Variants in ALPK3 observed in about 807,000 individuals in gnomAD.
ALPK3 encodes alpha kinase 3.
A neutral mutation model predicts 140.0 loss-of-function variants in ALPK3; 102 were observed. The ratio of observed to expected loss-of-function variants is 0.73; its 90% CI spans 0.62 to 0.86. ALPK3 has a LOEUF of 0.86. ALPK3 is among the 40% of genes least tolerant of loss of function. ALPK3 has a pLI of 0.00. For synonymous variants in ALPK3, 938 were observed against 898.5 expected (o/e 1.04, Z -0.79); for missense variants, 2,254 against 2,208.2 (o/e 1.02, Z -0.42).
In ALPK3 at chr15:84,868,159, C is replaced by T. The variant is rs762455103; in HGVS notation, c.4821C>T (p.Phe1607=). The change falls in exon 14 of 14, where the codon TTC becomes TTT. Residue 1607 remains phenylalanine, a synonymous_variant. Transcript: ENST00000258888. ...ESCFPALLDR[F]ASSHQCNAYC... ...GCTTCCCTGCCCTGCTGGACCGGTT[C>T]GCCTCCTCCCACCAGTGCAATGCCT... 1.8e-5 allele frequency: 29 copies of T among 1,613,966 alleles called. No individual in the cohort carries two copies. Among genetic ancestry groups the T allele is most frequent in the South Asian group, 2.2e-5 (2 of 91,086 alleles).
Position 84,840,548 on chromosome 15 carries a change from C to G in ALPK3, c.1269C>G (p.Thr423=). The G allele has an allele frequency of 3.1e-6, 5 of 1,598,800 alleles. No individual in the cohort carries two copies. The highest frequency in any genetic ancestry group is 3.4e-6 in the Non-Finnish European group (4 of 1,173,562). ...TGAAGGACATGTACCTGGAGAACAC[C>G]CAGGCAGTCAGGCCTCTTGGGGAAG... ...FSLKDMYLEN[T]QAVRPLGEEG... is the part of the protein sequence containing the mutation. The change falls in exon 5 of 14, where the codon ACC becomes ACG. Residue 423 remains threonine (T), a synonymous_variant. Coordinates refer to ENST00000258888, the MANE Select transcript of ALPK3 (RefSeq NM_020778.5).
intron 4 of ALPK3, 93 bp from the exon 5 acceptor site, chr15:84,839,609 A>G (rs1963632420): frequency 1.5e-6 from 2 of 1,371,612 alleles, no homozygotes; most frequent in African/African-American, 2.9e-5. Flanking sequence ...GGGAGGGGGA[A>G]GTGTGCCCGG....
chr15:84,823,550 T>A (rs1963452509), intron 2 of ALPK3, among the ~76,000 whole-genome samples, 182 bp downstream of exon 2: 1 of 151,698 alleles, frequency 6.6e-6, no homozygotes, highest in Admixed American at 6.6e-5. Context: ...GGGGCCAGAG[T>A]TGATGCTTGC....
In ALPK3 at chr15:84,862,772, G is replaced by C. The variant is rs750010018; in HGVS notation, c.4267G>C (p.Ala1423Pro). Residue 1423 changes from alanine to proline, a missense_variant, in exon 10 of 14, where the codon GCC becomes CCC. By Grantham distance (27) the Ala-to-Pro change is conservative (BLOSUM62 -1). This residue lies in a region of ALPK3 where 2,088 missense variants were observed against 2,022.9 expected (regional missense o/e 1.03). Coordinates refer to ENST00000258888, the MANE Select transcript of ALPK3 (RefSeq NM_020778.5). ...TGGATATGGGTGTGGCCTTCGGAAGGCCTCCCAGGCCAAGGTCATCTACGG... is the reference window on the plus strand; with the variant it reads ...TGGATATGGGTGTGGCCTTCGGAAGCCCTCCCAGGCCAAGGTCATCTACGG... ...GGGYGCGLRK[A>P]SQAKVIYGLE... 9 of 1,614,138 alleles carry C rather than the reference G, an allele frequency of 5.6e-6. No individual in the cohort carries two copies. The East Asian group carries it at 1.8e-4, about 32-fold the overall frequency.
At chr15:84,832,819 G>A (rs1963557338) in intron 3 of ALPK3, among the ~76,000 whole-genome samples, 1 of 152,194 alleles carries the variant, frequency 6.6e-6, no homozygotes, top group African/African-American at 2.4e-5. Flanking sequence ...CTTGGTAACA[G>A]CGGCTGCAGT....
intron 1 of ALPK3, among the ~76,000 whole-genome samples, chr15:84,818,043 C>G (rs1963382309): frequency 2.0e-5 from 3 of 152,126 alleles, no homozygotes; most frequent in Admixed American, 2.0e-4. Flanking sequence ...AGCTGCTTAG[C>G]TCAGGGTGGG....
intron 5 of ALPK3, among the ~76,000 whole-genome samples, chr15:84,849,084 T>A (rs1236489993): frequency 2.6e-5 from 4 of 151,718 alleles, no homozygotes; most frequent in African/African-American, 9.7e-5. Context: ...GGAGGTTGCG[T>A]TGAGTCGAGA....
chr15:84,857,861 C>A lies in ALPK3; in HGVS notation c.3123C>A (p.Thr1041=). ...LLSPCTSRRL[T]GLLDREVQAG... ...GCCCCTGTACCTCCCGCCGCCTCAC[C>A]GGCCTCCTGGACCGTGAGGTGCAGG... Residue 1041 remains threonine, a synonymous_variant, in exon 6 of 14, where the codon ACC becomes ACA. Transcript: ENST00000258888. 3 of 1,612,138 alleles carry A rather than the reference C, an allele frequency of 1.9e-6. No individual in the cohort carries two copies. The highest frequency in any genetic ancestry group is 2.5e-6 in the Non-Finnish European group (3 of 1,179,154).
chr15:84,842,999 T>A (rs1417418980), intron 5 of ALPK3, among the ~76,000 whole-genome samples: 1 of 152,208 alleles, frequency 6.6e-6, no homozygotes, highest in East Asian at 1.9e-4. Flanking sequence ...TGTGCAAATC[T>A]GGCTTCTCTG....
At chr15:84,848,997 C>T (rs1244110841) in intron 5 of ALPK3, among the ~76,000 whole-genome samples, 1 of 152,016 alleles carries the variant, frequency 6.6e-6, no homozygotes, top group Non-Finnish European at 1.5e-5. Context: ...CAAAAATTAG[C>T]CAGGCATGGT....
chr15:84,853,598 A>C (rs1963829586), intron 5 of ALPK3, among the ~76,000 whole-genome samples: 1 of 152,160 alleles, frequency 6.6e-6, no homozygotes, highest in Non-Finnish European at 1.5e-5. Context: ...TGGGTGACAG[A>C]GCGAGACTCC....
At position 84,831,180 on chromosome 15, in the gene ALPK3, A is replaced by G. The variant is rs141621669; in HGVS notation, c.304+3575A>G. ...GTTTGATCCTAATTCCTTGCATGTG[A>G]CCAGTTTTTCTCTCTGGAAGCTTGT... On this transcript the variant is annotated intron_variant, in intron 3 of 13. Coordinates refer to ENST00000258888, the MANE Select transcript of ALPK3 (RefSeq NM_020778.5). Among the ~76,000 whole-genome samples the G allele has an allele frequency of 4.6e-3, 701 of 152,222 alleles. 4 individuals are homozygous for G. The highest frequency in any genetic ancestry group is 6.3e-3 in the Non-Finnish European group (431 of 68,024).
At chr15:84,864,374 A>G in intron 11 of ALPK3, 68 bp from the exon 12 acceptor site, 1 of 1,491,624 alleles carries the variant, frequency 6.7e-7, no homozygotes. Context: ...AAGAATACAG[A>G]ATTGGGTGGG....
rs199745991 is a variant in ALPK3 at position 84,857,523 on chromosome 15, G to A, written c.2785G>A (p.Ala929Thr). The change falls in exon 6 of 14, where the codon GCC becomes ACC. Residue 929 changes from alanine (A) to threonine (T), a missense_variant. Physicochemically the swap from Ala to Thr is moderately conservative, Grantham distance 58. Around this residue, in one of 3 missense-constraint regions of ALPK3, gnomAD observed 2,088 missense variants for 2,022.9 expected, o/e 1.03. Coordinates refer to ENST00000258888, the MANE Select transcript of ALPK3 (RefSeq NM_020778.5). ...TCAGAGTCACCCACCAGAAACCATG[G>A]CCACCAGCAGTGAGGGGGCCTGCGC... ...PTQSHPPETM[A>T]TSSEGACAQV... 3.6e-5 allele frequency: 58 copies of A among 1,594,698 alleles called. No homozygotes were observed. Among genetic ancestry groups the A allele is most frequent in the Non-Finnish European group, 2.6e-6 (3 of 1,169,552 alleles).
intron 5 of ALPK3, among the ~76,000 whole-genome samples, chr15:84,846,763 T>A (rs1394720245): frequency 6.6e-6 from 1 of 152,178 alleles, no homozygotes; most frequent in Non-Finnish European, 1.5e-5. Flanking sequence ...TTATTTTTTA[T>A]TTTTTTGAGA....
In ALPK3 at chr15:84,818,273, G is replaced by A. The variant is rs554107282; in HGVS notation, c.143+678G>A. On this transcript the variant is annotated intron_variant, in intron 1 of 13. Coordinates refer to ENST00000258888, the MANE Select transcript of ALPK3 (RefSeq NM_020778.5). ...GCCAAGGGAGGTGTGGAACTGATGA[G>A]CCCTTCACTGGTCTTCCAAGAGTTC... 1.4e-3 allele frequency among the ~76,000 whole-genome samples: 209 copies of A among 152,294 alleles called. 1 individual carries two copies. Among genetic ancestry groups the A allele is most frequent in the African/African-American group, 4.8e-3 (199 of 41,540 alleles).
chr15:84,831,831 G>A (rs1299675993), intron 3 of ALPK3, among the ~76,000 whole-genome samples: 12 of 152,154 alleles, frequency 7.9e-5, no homozygotes, highest in Admixed American at 7.9e-4. Flanking sequence ...GCCACTGTTG[G>A]GAACTGCCAA....
At chr15:84,841,076 C>G in intron 5 of ALPK3, 144 bp downstream of exon 5, 1 of 1,172,676 alleles carries the variant, frequency 8.5e-7, no homozygotes, top group Non-Finnish European at 1.2e-6. Context: ...CTACAGGGAC[C>G]ACAGGCATGC....
rs958180895 is a variant in ALPK3, at chr15:84,871,177, A to G, written c.*2721A>G. On this transcript the variant is annotated 3_prime_UTR_variant, in exon 14 of 14. Coordinates refer to ENST00000258888, the MANE Select transcript of ALPK3 (RefSeq NM_020778.5). ...CTACAGTCCATTTCTAGAACTGGTC[A>G]TGAGAACTCATGTTTATGATGATGG... The G allele has an allele frequency of 1.3e-5, 2 of 152,634 alleles. No homozygotes were observed. Among genetic ancestry groups the G allele is most frequent in the Admixed American group, 6.5e-5 (1 of 15,284 alleles). The allele number at this position is 152,634 out of a possible 1,614,324, so 9.5% of individuals were successfully genotyped here.
Sources: gnomAD v4.1 joint callset for allele counts (sites outside exome capture counted in the v4.1 genomes callset) on GRCh38, gnomAD v4.1.1 for gene constraint, gnomAD v4.1.1 regional missense constraint, MANE v1.5 for transcripts, NCBI Gene and HGNC (gene_info 2026-07-23, HGNC 2026-07-21) for gene names.